FOXP2: variants seen among roughly 807,000 people sequenced by gnomAD.
FOXP2 encodes forkhead box P2, also known as forkhead box protein P2.
FOXP2 carries 12 observed loss-of-function variants against 115.8 expected under a neutral mutation model. That is an observed-to-expected ratio of 0.10 (90% confidence interval 0.07 to 0.17). The LOEUF (loss-of-function observed/expected upper bound fraction) is 0.17, where lower values mean the gene tolerates loss of function less well. FOXP2 is among the 10% of genes least tolerant of loss of function. The probability of loss-of-function intolerance (pLI) is 1.00; values close to 1 mark genes in which losing one functional copy is unlikely to be tolerated. For missense variants in FOXP2, 629 were observed against 843.5 expected, an observed-to-expected ratio of 0.75 and a Z score of 3.15; for synonymous variants, 328 against 297.7, an observed-to-expected ratio of 1.10 and a Z score of -1.05.
intron 1 of FOXP2, among the ~76,000 whole-genome samples, chr7:114,253,393 G>C (rs183488054): frequency 1.3e-5 from 2 of 152,088 alleles, no homozygotes; most frequent in Non-Finnish European, 2.9e-5. Flanking sequence ...ACAGTGGGGC[G>C]TTAAAGTCTC....
In FOXP2 at chr7:114,631,518, C is replaced by T. The variant is rs369461083; in HGVS notation, c.598-10C>T. On this transcript the variant is annotated splice_polypyrimidine_tract_variant and intron_variant, in intron 5 of 16. Transcript: ENST00000350908. ...TCTGCTGTTTACTGGTTTGGGTTTT[C>T]TGATACCAGCAGCAGCAGCAGCAGC... 9.0e-5 allele frequency: 141 copies of T among 1,558,306 alleles called. No homozygotes were observed. In the East Asian group the frequency reaches 2.6e-3, roughly 29 times the overall value.
rs937128931 is a variant in FOXP2 at position 114,430,212 on chromosome 7, A to T, written c.168+3533A>T. ...TTAACTTATTTTAACTTCCTATTTG[A>T]TACGAAAAGTACCGACTTTAGATTA... On this transcript the variant is annotated intron_variant, in intron 2 of 16. Coordinates refer to ENST00000350908, the MANE Select transcript of FOXP2 (RefSeq NM_014491.4). 2.0e-5 allele frequency among the ~76,000 whole-genome samples: 3 copies of T among 151,770 alleles called. No individual in the cohort carries two copies. In the East Asian group the frequency reaches 5.8e-4, roughly 29 times the overall value.
At chr7:114,380,874 A>G (rs1375308532) in intron 2 of FOXP2, among the ~76,000 whole-genome samples, 1 of 152,198 alleles carries the variant, frequency 6.6e-6, no homozygotes, top group Admixed American at 6.5e-5. Context: ...CAGGTATGCC[A>G]TGGGTTGCAA....
intron 3 of FOXP2, among the ~76,000 whole-genome samples, chr7:114,608,855 A>T (rs1048605939): frequency 6.6e-6 from 1 of 152,160 alleles, no homozygotes; most frequent in Non-Finnish European, 1.5e-5. Flanking sequence ...ATTCTGGCAA[A>T]ATTCACTACC....
chr7:114,307,378 C>A (rs79431872), intron 2 of FOXP2, among the ~76,000 whole-genome samples: 1 of 152,140 alleles, frequency 6.6e-6, no homozygotes, highest in East Asian at 1.9e-4. Context: ...TTTAGCCAGA[C>A]AAGATGTAGT....
rs112491064 is a variant in FOXP2 at position 114,479,845 on chromosome 7, A to G, written c.168+53166A>G. 1.7e-3 allele frequency among the ~76,000 whole-genome samples: 255 copies of G among 151,636 alleles called. 2 individuals carry two copies. Among genetic ancestry groups the G allele is most frequent in the African/African-American group, 5.8e-3 (241 of 41,520 alleles). On this transcript the variant is annotated intron_variant, in intron 2 of 16. Transcript: ENST00000350908. The stretch of plus-strand genomic sequence containing the variant: ...CGCAGCAATTTACCAATTGTTAACT[A>G]ATGAGTTGCATAAAAGCTTGTTAGT...
Position 114,426,502 on chromosome 7 carries a change from G to A in FOXP2, c.-10G>A, listed in dbSNP as rs1329215416. ...ATTGATACTTCTTAATCACTTTTAG[G>A]TATTAAGTCATGATGCAGGAATCTG... On this transcript the variant is annotated splice_region_variant and 5_prime_UTR_variant, in exon 2 of 17. Transcript: ENST00000350908. 7 of 1,609,798 alleles carry A rather than the reference G, an allele frequency of 4.3e-6. No individual in the cohort carries two copies. In the East Asian group the frequency reaches 8.9e-5, roughly 21 times the overall value.
At chr7:114,148,327 A>C (rs1371580943) in intron 1 of FOXP2, among the ~76,000 whole-genome samples, 1 of 152,162 alleles carries the variant, frequency 6.6e-6, no homozygotes, top group Non-Finnish European at 1.5e-5. Flanking sequence ...AACATGTAAC[A>C]TGATTTATTT....
chr7:114,408,308 T>C (rs1188498242), intron 2 of FOXP2, among the ~76,000 whole-genome samples: 1 of 152,198 alleles, frequency 6.6e-6, no homozygotes, highest in Non-Finnish European at 1.5e-5. Flanking sequence ...TAAATTTATG[T>C]AACACATAGT....
At chr7:114,229,174 A>C (rs1477799710) in intron 1 of FOXP2, among the ~76,000 whole-genome samples, 1 of 151,154 alleles carries the variant, frequency 6.6e-6, no homozygotes, top group Non-Finnish European at 1.5e-5. Flanking sequence ...TAATGATAAA[A>C]GAGTAAATTC....
chr7:114,498,033 A>G (rs1055397636), intron 2 of FOXP2, among the ~76,000 whole-genome samples: 3 of 152,196 alleles, frequency 2.0e-5, no homozygotes, highest in Non-Finnish European at 4.4e-5. Context: ...TCTCTGAAAC[A>G]TCCACTATTA....
chr7:114,534,030 T>G (rs1799259891), intron 2 of FOXP2, among the ~76,000 whole-genome samples: 1 of 151,940 alleles, frequency 6.6e-6, no homozygotes, highest in Admixed American at 6.6e-5. Context: ...CTGATTTTGC[T>G]AAGAATGCAA....
intron 2 of FOXP2, among the ~76,000 whole-genome samples, chr7:114,370,707 T>C (rs1791983699): frequency 6.6e-6 from 1 of 152,236 alleles, no homozygotes; most frequent in African/African-American, 2.4e-5. Flanking sequence ...AGATTATTTT[T>C]TGATAATTAC....
intron 16 of FOXP2, chr7:114,669,829 T>C (rs181526182): frequency 3.3e-5 from 5 of 152,074 alleles, no homozygotes; most frequent in Admixed American, 2.0e-4. Flanking sequence ...TTAGTTCTAC[T>C]CAGTTGTTTC....
chr7:114,592,068 GATATACACAT>G (rs1438169661), intron 3 of FOXP2, among the ~76,000 whole-genome samples: 1 of 152,150 alleles, frequency 6.6e-6, no homozygotes, highest in East Asian at 1.9e-4. Context: ...CTTAAATACA[GATATACACAT>G]ATAGAGAGTT....
intron 8 of FOXP2, among the ~76,000 whole-genome samples, chr7:114,646,370 A>T (rs1273717849): frequency 6.6e-6 from 1 of 152,114 alleles, no homozygotes; most frequent in Non-Finnish European, 1.5e-5. Flanking sequence ...AATTGAAAGA[A>T]GCATTTAATT....
Position 114,292,308 on chromosome 7 carries a change from G to T in FOXP2, c.-11+4199G>T, listed in dbSNP as rs1465182140. On this transcript the variant is annotated intron_variant, in intron 2 of 17. Coordinates refer to the FOXP2 transcript ENST00000634411. ...ATAATTATGTTATAGTTAATAATAA[G>T]AATATTGTTGAAACATGTAAAATTT... is the stretch of plus-strand genomic sequence containing the variant. Among the ~76,000 whole-genome samples, 53 of 151,924 alleles carry T rather than the reference G, an allele frequency of 3.5e-4. 1 individual carries two copies. The highest frequency in any genetic ancestry group is 3.5e-3 in the Admixed American group (53 of 15,224).
At chr7:114,608,357 T>TA (rs1803446231) in intron 3 of FOXP2, among the ~76,000 whole-genome samples, 1 of 152,158 alleles carries the variant, frequency 6.6e-6, no homozygotes, top group African/African-American at 2.4e-5. Context: ...AACTTTTTTT[T>TA]ATAGCTAATA....
chr7:114,412,396 C>G (rs767744862), upstream of FOXP2, among the ~76,000 whole-genome samples: 1 of 151,988 alleles, frequency 6.6e-6, no homozygotes, highest in Non-Finnish European at 1.5e-5. Context: ...CAGGTGATAT[C>G]GAAGAGTAGT....
Sources: gnomAD v4.1 joint callset for allele counts (sites outside exome capture counted in the v4.1 genomes callset) on GRCh38, gnomAD v4.1.1 for gene constraint, MANE v1.5 for transcripts, NCBI Gene and HGNC (gene_info 2026-07-23, HGNC 2026-07-21) for gene names.